The following TNR variants were observed in gnomAD, a reference collection of about 807,000 sequenced individuals.
TNR encodes tenascin R.
TNR carries 45 observed loss-of-function variants against 150.4 expected under a neutral mutation model. That is an observed-to-expected ratio of 0.30 (90% CI 0.24 to 0.38). The LOEUF is 0.38. TNR is among the 10% of genes least tolerant of loss of function. The pLI is 1.00. For missense variants in TNR, 1,544 were observed against 1,759.1 expected (o/e 0.88, Z 2.19); for synonymous variants, 687 against 678.4 (o/e 1.01, Z -0.20).
chr1:175,406,885 G>T (rs1243220390), intron 2 of TNR, 108 bp from the exon 3 acceptor site: 1 of 629,976 alleles, frequency 1.6e-6, no homozygotes, highest in South Asian at 2.0e-5. Flanking sequence ...GATTTTCAAG[G>T]GGGGGGCGTC....
chr1:175,513,399 C>T (rs1309298729), intron 2 of TNR, among the ~76,000 whole-genome samples: 1 of 152,174 alleles, frequency 6.6e-6, no homozygotes, highest in East Asian at 1.9e-4. Flanking sequence ...GGTTCTTCTT[C>T]TTCCTTTTTG....
chr1:175,410,519 G>T (rs1654164924), intron 2 of TNR, among the ~76,000 whole-genome samples: 1 of 152,190 alleles, frequency 6.6e-6, no homozygotes, highest in African/African-American at 2.4e-5. Context: ...GGGGCTGCAG[G>T]GAGGGGCACG....
intron 1 of TNR, among the ~76,000 whole-genome samples, chr1:175,741,746 G>T (rs926156818): frequency 2.6e-5 from 4 of 152,146 alleles, no homozygotes; most frequent in Non-Finnish European, 5.9e-5. Flanking sequence ...CACCCAGAAG[G>T]CTCCCCAGCC....
At chr1:175,642,261 C>T (rs763883566) in intron 1 of TNR, among the ~76,000 whole-genome samples, 1 of 152,128 alleles carries the variant, frequency 6.6e-6, no homozygotes, top group African/African-American at 2.4e-5. Flanking sequence ...CATACACACA[C>T]GTGCTATGTG....
intron 9 of TNR, among the ~76,000 whole-genome samples, chr1:175,368,826 G>A (rs1651955820): frequency 6.6e-6 from 1 of 152,178 alleles, no homozygotes; most frequent in Non-Finnish European, 1.5e-5. Context: ...GTGTGCACCT[G>A]TAGTCCCAGC....
chr1:175,468,436 A>G (rs964575852), intron 2 of TNR, among the ~76,000 whole-genome samples: 1 of 152,212 alleles, frequency 6.6e-6, no homozygotes, highest in African/African-American at 2.4e-5. Context: ...TTAACAAAAT[A>G]TGTTCACTTA....
rs755343326 is a variant in TNR, at chr1:175,331,045, C to CT, written c.3632-811dup. 8.2e-4 allele frequency among the ~76,000 whole-genome samples: 73 copies of CT among 89,406 alleles called. 1 individual carries two copies. Among genetic ancestry groups the CT allele is most frequent in the African/African-American group, 2.8e-3 (68 of 24,152 alleles). The allele number at this position is 89,406 out of a possible 152,430, so 58.7% of individuals were successfully genotyped here. On this transcript the variant is annotated intron_variant, in intron 20 of 22. Transcript: ENST00000367674. ...TCTTTCTTTCTTTCTTTCTTTCTTT[C>CT]TTTCTTTCTTTCTTTCTTTCTTTCT... is the stretch of plus-strand genomic sequence containing the variant.
chr1:175,345,420 G>T (rs1169896652), intron 18 of TNR, among the ~76,000 whole-genome samples: 1 of 152,096 alleles, frequency 6.6e-6, no homozygotes, highest in African/African-American at 2.4e-5. Context: ...ATCTGGTACA[G>T]AATTATTAGA....
At chr1:175,385,911 C>G in intron 8 of TNR, 121 bp downstream of exon 8, 1 of 1,192,094 alleles carries the variant, frequency 8.4e-7, no homozygotes, top group South Asian at 1.7e-5. Flanking sequence ...GTGTCTATGA[C>G]AAGGCCAATG....
At chr1:175,579,165 T>TTCCTTCCTTCCTTCC (rs1662239786) in intron 1 of TNR, among the ~76,000 whole-genome samples, 5 of 134,474 alleles carry the variant, frequency 3.7e-5, no homozygotes, top group East Asian at 4.3e-4. Flanking sequence ...TCGTTCCTTC[T>TTCCTTCCTTCCTTCC]TTCCTTCCTT....
chr1:175,646,884 T>G (rs1664825457), intron 1 of TNR, among the ~76,000 whole-genome samples: 1 of 152,242 alleles, frequency 6.6e-6, no homozygotes, highest in East Asian at 1.9e-4. Flanking sequence ...GATCCAATAC[T>G]CACATTTTGG....
chr1:175,505,704 T>A (rs1658933491), intron 2 of TNR, among the ~76,000 whole-genome samples: 1 of 152,220 alleles, frequency 6.6e-6, no homozygotes, highest in South Asian at 2.1e-4. Context: ...TTTGTAAAAT[T>A]GCAATTCTCA....
At chr1:175,601,793 G>A (rs571858392) in intron 1 of TNR, among the ~76,000 whole-genome samples, 4 of 151,950 alleles carry the variant, frequency 2.6e-5, no homozygotes, top group African/African-American at 9.7e-5. Context: ...TCAGCTTTAG[G>A]GCTTTTAAAA....
intron 2 of TNR, among the ~76,000 whole-genome samples, chr1:175,516,203 G>A (rs1659399539): frequency 6.6e-6 from 1 of 152,198 alleles, no homozygotes; most frequent in Admixed American, 6.5e-5. Context: ...GCACCTGCCT[G>A]AAATGATTAA....
At chr1:175,559,369 A>G (rs2102208402) in intron 1 of TNR, among the ~76,000 whole-genome samples, 1 of 152,348 alleles carries the variant, frequency 6.6e-6, no homozygotes, top group South Asian at 2.1e-4. Flanking sequence ...TTTCAAACAT[A>G]GAAAATGATA....
intron 1 of TNR, among the ~76,000 whole-genome samples, chr1:175,662,621 G>A (rs1471064172): frequency 2.6e-5 from 4 of 152,240 alleles, no homozygotes; most frequent in African/African-American, 9.6e-5. Context: ...GCAGGGATGA[G>A]CATCTTCTTT....
intron 2 of TNR, among the ~76,000 whole-genome samples, chr1:175,484,822 A>G (rs1657944390): frequency 6.6e-6 from 1 of 152,158 alleles, no homozygotes; most frequent in Non-Finnish European, 1.5e-5. Flanking sequence ...AAGGAACACC[A>G]CTTAGTTCAT....
chr1:175,426,005 T>C (rs898154564), intron 2 of TNR, among the ~76,000 whole-genome samples: 2 of 152,176 alleles, frequency 1.3e-5, no homozygotes, highest in Non-Finnish European at 2.9e-5. Flanking sequence ...AACCATGACT[T>C]GCCTCCATGC....
intron 1 of TNR, among the ~76,000 whole-genome samples, chr1:175,559,865 A>G (rs371410054): frequency 6.6e-6 from 1 of 152,176 alleles, no homozygotes; most frequent in Non-Finnish European, 1.5e-5. Context: ...TCCACCAGTC[A>G]TTGCCTAGTT....
Sources: allele counts gnomAD v4.1 joint callset (sites outside exome capture counted in the v4.1 genomes callset), GRCh38; gene constraint gnomAD v4.1.1; transcripts MANE v1.5; gene names NCBI Gene and HGNC (gene_info 2026-07-23, HGNC 2026-07-21).